The following MME variants were observed in gnomAD, a reference collection of about 807,000 sequenced individuals.
MME encodes neprilysin.
In MME, 98 loss-of-function variants were observed where a neutral mutation model predicts 113.2. The ratio of observed to expected loss-of-function variants is 0.87; its 90% CI spans 0.74 to 1.02. MME has a LOEUF of 1.02. Among genes scored for constraint, MME ranks in the 50% least tolerant of loss-of-function variants. The pLI is 0.00. For missense variants in MME, 836 were observed against 896.0 expected (o/e 0.93, Z 0.86); for synonymous variants, 292 against 300.6 (o/e 0.97, Z 0.30).
At chr3:155,057,172 G>A (rs1713961432) in intron 1 of MME, among the ~76,000 whole-genome samples, 1 of 151,860 alleles carries the variant, frequency 6.6e-6, no homozygotes, top group Non-Finnish European at 1.5e-5. Flanking sequence ...CTACAAAATG[G>A]GAGAAAATTT....
intron 8 of MME, among the ~76,000 whole-genome samples, chr3:155,126,707 G>C (rs530599088): frequency 6.6e-6 from 1 of 152,032 alleles, no homozygotes; most frequent in African/African-American, 2.4e-5. Context: ...CTTTTAGAAA[G>C]GGCATTTATT....
chr3:155,133,062 A>AAAAATATATATATATATATATAT (rs1553762419), intron 8 of MME, among the ~76,000 whole-genome samples: 12 of 75,064 alleles, frequency 1.6e-4, no homozygotes, highest in South Asian at 3.9e-4. Context: ...AAAAAAAAAA[A>AAAAATATATATATATATATATAT]ATATATATAT....
chr3:155,060,829 C>CAGAGAGAGAGAGAGAGAGAG (rs138935329), intron 1 of MME, among the ~76,000 whole-genome samples: 1 of 137,674 alleles, frequency 7.3e-6, no homozygotes, highest in African/African-American at 2.7e-5. Flanking sequence ...TGCAGAGAGG[C>CAGAGAGAGAGAGAGAGAGAG]AGAGAGAGAG....
At chr3:155,085,223 A>G (rs1443883770) in intron 3 of MME, 129 bp downstream of exon 3, 1 of 577,328 alleles carries the variant, frequency 1.7e-6, no homozygotes, top group African/African-American at 1.9e-5. Context: ...GTCTGGCTCT[A>G]TAATCAATGG....
intron 4 of MME, 142 bp downstream of exon 4, chr3:155,115,297 A>G (rs1718508216): frequency 3.1e-6 from 3 of 976,572 alleles, no homozygotes; most frequent in South Asian, 2.9e-5. Flanking sequence ...TACCACCACC[A>G]AGTCACTCTG....
At chr3:155,095,047 A>G (rs1716624559) in intron 3 of MME, among the ~76,000 whole-genome samples, 2 of 152,220 alleles carry the variant, frequency 1.3e-5, no homozygotes, top group African/African-American at 2.4e-5. Context: ...GTTGAGAAGC[A>G]CTGAGGAATA....
At chr3:155,031,009 A>G (rs996852292) in intron 1 of MME, among the ~76,000 whole-genome samples, 6 of 152,378 alleles carry the variant, frequency 3.9e-5, no homozygotes, top group Middle Eastern at 3.4e-3. Context: ...ATAGCAGCAC[A>G]GAATCTTAGC....
intron 1 of MME, among the ~76,000 whole-genome samples, chr3:155,047,492 A>C (rs1366972390): frequency 1.3e-5 from 2 of 152,210 alleles, no homozygotes; most frequent in Non-Finnish European, 2.9e-5. Flanking sequence ...GCAATGCATA[A>C]TAGTACTTAT....
At chr3:155,059,833 G>T (rs1021816840) in intron 1 of MME, among the ~76,000 whole-genome samples, 1 of 151,982 alleles carries the variant, frequency 6.6e-6, no homozygotes, top group Non-Finnish European at 1.5e-5. Flanking sequence ...AATCAGAAAA[G>T]ATATACATAC....
At position 155,147,178 on chromosome 3, in the gene MME, A is replaced by T. The variant is rs772665521; in HGVS notation, c.1451A>T (p.Asp484Val). ...ATTAAAGAAAGGATCGGCTATCCTGATGACATTGTTTCAAATGATAACAAA... is the reference window on the plus strand; with the variant it reads ...ATTAAAGAAAGGATCGGCTATCCTGTTGACATTGTTTCAAATGATAACAAA... Reference protein sequence around the residue: ...LAIKERIGYPDDIVSNDNKLN... With the variant: ...LAIKERIGYPVDIVSNDNKLN... Residue 484 changes from aspartate to valine, a missense_variant, in exon 15 of 23, where the codon GAT becomes GTT. Coordinates refer to ENST00000360490, the MANE Select transcript of MME (RefSeq NM_007289.4). The T allele has an allele frequency of 1.2e-6, 2 of 1,609,184 alleles. No homozygotes were observed. Among genetic ancestry groups the T allele is most frequent in the Non-Finnish European group, 1.7e-6 (2 of 1,175,658 alleles).
upstream of MME, among the ~76,000 whole-genome samples, chr3:155,079,221 G>A (rs748029827): frequency 5.3e-5 from 8 of 152,074 alleles, no homozygotes; most frequent in African/African-American, 1.9e-4. Flanking sequence ...ACGAAGGAGG[G>A]AGGGAGAGAG....
chr3:155,050,033 G>A (rs56380855), intron 1 of MME, among the ~76,000 whole-genome samples: 6,645 of 152,084 alleles, frequency 0.044, 160 homozygotes, highest in African/African-American at 0.052. Context: ...TCCTCTTTGT[G>A]TCCATGTGTT....
chr3:155,038,905 C>A (rs1713217179), intron 1 of MME, among the ~76,000 whole-genome samples: 2 of 152,116 alleles, frequency 1.3e-5, no homozygotes, highest in African/African-American at 4.8e-5. Flanking sequence ...AAGTAAAATA[C>A]AGGTATCTCA....
At chr3:155,063,332 A>C (rs865861236) in intron 1 of MME, among the ~76,000 whole-genome samples, 78 of 109,602 alleles carry the variant, frequency 7.1e-4, no homozygotes, top group Non-Finnish European at 1.0e-3. Flanking sequence ...AATATATATA[A>C]ATATATAATT....
intron 1 of MME, among the ~76,000 whole-genome samples, chr3:155,049,627 A>ATATC (rs56832533): frequency 0.03 from 4,353 of 147,142 alleles, 82 homozygotes; most frequent in African/African-American, 0.054. Context: ...TCATCTTAGT[A>ATATC]TATCTATCTA....
chr3:155,172,765 A>G (rs1343419027), intron 22 of MME, among the ~76,000 whole-genome samples, 153 bp downstream of exon 22: 1 of 151,004 alleles, frequency 6.6e-6, no homozygotes, highest in Non-Finnish European at 1.5e-5. Flanking sequence ...TCGAGAGAAC[A>G]CATCGGAGCA....
chr3:155,117,253 C>T (rs1718702290), intron 7 of MME, among the ~76,000 whole-genome samples: 1 of 152,122 alleles, frequency 6.6e-6, no homozygotes, highest in African/African-American at 2.4e-5. Flanking sequence ...AGAAGGGCTC[C>T]AGGCCCCTCC....
chr3:155,175,143 G>A (rs990706231), intron 22 of MME, among the ~76,000 whole-genome samples: 3 of 151,174 alleles, frequency 2.0e-5, no homozygotes, highest in African/African-American at 7.3e-5. Context: ...TTAAAATTTT[G>A]ATGACACAGA....
intron 1 of MME, among the ~76,000 whole-genome samples, chr3:155,058,902 C>G (rs79213468): frequency 0.018 from 2,747 of 152,280 alleles, 26 homozygotes; most frequent in Non-Finnish European, 0.028. Flanking sequence ...GATTTCATAA[C>G]TGAGTTATTT....
Sources: gnomAD v4.1 joint callset for allele counts (sites outside exome capture counted in the v4.1 genomes callset) on GRCh38, gnomAD v4.1.1 for gene constraint, MANE v1.5 for transcripts, NCBI Gene and HGNC (gene_info 2026-07-23, HGNC 2026-07-21) for gene names.